The following XPR1 variants were observed in gnomAD, a reference collection of about 807,000 sequenced individuals.
XPR1 encodes xenotropic and polytropic retrovirus receptor 1, also known as solute carrier family 53 member 1.
A neutral mutation model predicts 87.5 loss-of-function variants in XPR1; 28 were observed. The observed-to-expected ratio is 0.32, with a 90% confidence interval of 0.24 to 0.44. The LOEUF (loss-of-function observed/expected upper bound fraction) is 0.44, where lower values mean the gene tolerates loss of function less well. Ranked by LOEUF, XPR1 falls within the 20% of genes least tolerant of loss-of-function variation. The pLI is 1.00. For missense variants in XPR1, 559 were observed against 862.3 expected (o/e 0.65, Z 4.41); for synonymous variants, 300 against 306.1 (o/e 0.98, Z 0.21).
intron 1 of XPR1, among the ~76,000 whole-genome samples, chr1:180,675,806 T>C (rs1370596051): frequency 6.6e-6 from 1 of 152,140 alleles, no homozygotes; most frequent in African/African-American, 2.4e-5. Context: ...AAACAGTCCA[T>C]AGGTAATAAT....
chr1:180,784,998 C>CATGTGTGTGTGTTT (rs1649080726), intron 2 of XPR1, among the ~76,000 whole-genome samples: 1 of 55,266 alleles, frequency 1.8e-5, no homozygotes, highest in Non-Finnish European at 4.6e-5. Flanking sequence ...TAGTTTTTTT[C>CATGTGTGTGTGTTT]GTGTGTGTGT....
intron 4 of XPR1, among the ~76,000 whole-genome samples, chr1:180,805,210 A>G (rs1301077321): frequency 1.3e-5 from 2 of 152,212 alleles, no homozygotes; most frequent in African/African-American, 2.4e-5. Flanking sequence ...AGCATGAGGG[A>G]AAAATATGTA....
At chr1:180,725,170 T>C (rs1344628030) in intron 2 of XPR1, among the ~76,000 whole-genome samples, 1 of 152,204 alleles carries the variant, frequency 6.6e-6, no homozygotes, top group Non-Finnish European at 1.5e-5. Context: ...CATCTGGAGA[T>C]TCTGGTTAAA....
intron 1 of XPR1, among the ~76,000 whole-genome samples, chr1:180,656,408 T>TATATTTATATATAA (rs1190522551): frequency 7.8e-4 from 41 of 52,266 alleles, no homozygotes; most frequent in Non-Finnish European, 1.1e-3. Flanking sequence ...TAAATATTTA[T>TATATTTATATATAA]ATATTTATAT....
At chr1:180,740,061 A>T in intron 2 of XPR1, among the ~76,000 whole-genome samples, 1 of 151,998 alleles carries the variant, frequency 6.6e-6, no homozygotes, top group Non-Finnish European at 1.5e-5. Context: ...TGATAAACTC[A>T]CCTACTATTT....
intron 2 of XPR1, among the ~76,000 whole-genome samples, chr1:180,727,253 A>G (rs1658386989): frequency 1.3e-5 from 2 of 152,174 alleles, no homozygotes; most frequent in Non-Finnish European, 2.9e-5. Flanking sequence ...TTATATTGTA[A>G]CTGTTACCAG....
chr1:180,798,909 C>T (rs892339484), intron 3 of XPR1, among the ~76,000 whole-genome samples: 4 of 152,106 alleles, frequency 2.6e-5, no homozygotes, highest in Admixed American at 1.3e-4. Context: ...CCACCATGCC[C>T]GGCCTGTTGT....
chr1:180,704,383 T>A (rs1451219638), intron 2 of XPR1, among the ~76,000 whole-genome samples: 1 of 150,600 alleles, frequency 6.6e-6, no homozygotes, highest in East Asian at 1.9e-4. Flanking sequence ...CCTGTGTTTA[T>A]TAGCCAGAAT....
At chr1:180,725,034 C>A (rs1222414463) in intron 2 of XPR1, among the ~76,000 whole-genome samples, 1 of 152,154 alleles carries the variant, frequency 6.6e-6, no homozygotes, top group Admixed American at 6.5e-5. Context: ...TAACTTTATT[C>A]ATGGTTATAA....
At chr1:180,745,727 A>G (rs1035418147) in intron 2 of XPR1, among the ~76,000 whole-genome samples, 1 of 152,220 alleles carries the variant, frequency 6.6e-6, no homozygotes, top group Non-Finnish European at 1.5e-5. Context: ...ACAGGCCAGC[A>G]GATACTGAAG....
chr1:180,677,238 G>C (rs1289442541), intron 1 of XPR1, among the ~76,000 whole-genome samples: 2 of 152,176 alleles, frequency 1.3e-5, no homozygotes, highest in Non-Finnish European at 2.9e-5. Context: ...CCTAGACAGA[G>C]CCAATTTATT....
intron 2 of XPR1, among the ~76,000 whole-genome samples, chr1:180,683,494 C>T (rs1185720074): frequency 6.6e-6 from 1 of 152,110 alleles, no homozygotes; most frequent in Admixed American, 6.6e-5. Flanking sequence ...AATGGGATGG[C>T]TGGGTCAAAT....
intron 2 of XPR1, among the ~76,000 whole-genome samples, chr1:180,778,492 T>C (rs1307649951): frequency 1.3e-5 from 2 of 152,186 alleles, no homozygotes; most frequent in Non-Finnish European, 2.9e-5. Context: ...ACTGTTGACA[T>C]TTTGGACCGG....
intron 2 of XPR1, among the ~76,000 whole-genome samples, chr1:180,716,035 C>G (rs1411273281): frequency 1.3e-5 from 2 of 152,108 alleles, no homozygotes; most frequent in Non-Finnish European, 2.9e-5. Context: ...TTGGAGGTAG[C>G]CATCAAGGGA....
At chr1:180,785,946 A>T (rs767517994) in intron 2 of XPR1, among the ~76,000 whole-genome samples, 71 of 147,168 alleles carry the variant, frequency 4.8e-4, no homozygotes, top group Admixed American at 8.2e-4. Context: ...CTCAGCTTTA[A>T]AAAAAAAAAA....
chr1:180,824,988 A>G (rs374874109), intron 8 of XPR1, 45 bp downstream of exon 8: 87 of 1,577,436 alleles, frequency 5.5e-5, no homozygotes, highest in Non-Finnish European at 6.0e-5. Context: ...AGTTTGCATT[A>G]GCTATATAGC....
intron 2 of XPR1, among the ~76,000 whole-genome samples, chr1:180,778,857 C>G (rs1418541151): frequency 2.6e-5 from 4 of 152,178 alleles, no homozygotes; most frequent in African/African-American, 9.7e-5. Flanking sequence ...AAAACAGAAA[C>G]TAATTCTCCT....
chr1:180,704,875 A>G (rs3903979), intron 2 of XPR1, among the ~76,000 whole-genome samples: 52,628 of 136,416 alleles, frequency 0.39, 10,346 homozygotes, highest in African/African-American at 0.42. Context: ...CCTTTTAGAC[A>G]CCACATACTG....
At chr1:180,801,536 A>C (rs1452605406) in intron 3 of XPR1, among the ~76,000 whole-genome samples, 4 of 152,194 alleles carry the variant, frequency 2.6e-5, no homozygotes, top group Admixed American at 2.6e-4. Context: ...CATGTAAAGG[A>C]TTAAGAATAG....
Sources: gnomAD v4.1 joint callset for allele counts (sites outside exome capture counted in the v4.1 genomes callset) on GRCh38, gnomAD v4.1.1 for gene constraint, MANE v1.5 for transcripts, NCBI Gene and HGNC (gene_info 2026-07-23, HGNC 2026-07-21) for gene names.